NBEA: variants seen among roughly 807,000 people sequenced by gnomAD.
NBEA encodes the protein lysosomal-trafficking regulator 2.
NBEA carries 44 observed loss-of-function variants against 343.4 expected under a neutral mutation model. The ratio of observed to expected loss-of-function variants is 0.13; its 90% CI spans 0.10 to 0.16. The LOEUF (loss-of-function observed/expected upper bound fraction) is 0.16. Ranked by LOEUF, NBEA falls within the 10% of genes least tolerant of loss-of-function variation. NBEA has a pLI of 1.00. For missense variants in NBEA, 2,555 were observed against 3,631.3 expected (o/e 0.70, Z 7.62); for synonymous variants, 1,175 against 1,238.7 (o/e 0.95, Z 1.08).
intron 1 of NBEA, among the ~76,000 whole-genome samples, chr13:35,038,684 G>A (rs1031812578): frequency 7.9e-5 from 12 of 152,100 alleles, no homozygotes; most frequent in Admixed American, 5.9e-4. Flanking sequence ...TGGAACAAGG[G>A]CCTCATGACC....
chr13:35,205,221 G>A (rs913047250), intron 31 of NBEA, among the ~76,000 whole-genome samples: 1 of 152,116 alleles, frequency 6.6e-6, no homozygotes, highest in African/African-American at 2.4e-5. Flanking sequence ...AGGGGAAATA[G>A]TTCTTACAAA....
At chr13:35,633,826 A>G (rs558429353) in intron 49 of NBEA, among the ~76,000 whole-genome samples, 9 of 152,112 alleles carry the variant, frequency 5.9e-5, no homozygotes, top group African/African-American at 2.2e-4. Flanking sequence ...CAAAACTATC[A>G]ATTTAATTTT....
chr13:35,430,565 T>G (rs1014720425), intron 38 of NBEA, among the ~76,000 whole-genome samples: 2 of 152,284 alleles, frequency 1.3e-5, no homozygotes, highest in Admixed American at 1.3e-4. Flanking sequence ...TTCTAGAATT[T>G]GTATGGGGTT....
chr13:35,394,469 A>G (rs2042647530), intron 38 of NBEA, among the ~76,000 whole-genome samples: 1 of 152,142 alleles, frequency 6.6e-6, no homozygotes, highest in Non-Finnish European at 1.5e-5. Flanking sequence ...ATTTTTAAGT[A>G]GTTGTAAAGA....
At chr13:35,453,504 G>A (rs1465119748) in intron 40 of NBEA, among the ~76,000 whole-genome samples, 1 of 152,164 alleles carries the variant, frequency 6.6e-6, no homozygotes, top group Non-Finnish European at 1.5e-5. Flanking sequence ...GCTAATGAAG[G>A]TCATTGATTC....
chr13:35,364,013 G>A (rs1261971125), intron 38 of NBEA, among the ~76,000 whole-genome samples: 9 of 151,922 alleles, frequency 5.9e-5, no homozygotes, highest in Non-Finnish European at 1.5e-5. Flanking sequence ...TGTTGAGTTT[G>A]CCTTGCCTGT....
rs922054473 is a variant in NBEA at position 35,029,091 on chromosome 13, G to A, written c.295-11842G>A. 6.6e-5 allele frequency among the ~76,000 whole-genome samples: 10 copies of A among 151,306 alleles called. No individual in the cohort carries two copies. The East Asian group carries it at 1.9e-3, about 29-fold the overall frequency. ...ATTCATATTCCTTTGTTCAGTTACA[G>A]CAATGGTGAGAGGACAATTTTCTCA... On this transcript the variant is annotated intron_variant, in intron 1 of 58. Transcript: ENST00000379939.
intron 10 of NBEA, among the ~76,000 whole-genome samples, chr13:35,077,351 C>T (rs954845020): frequency 1.3e-5 from 2 of 151,992 alleles, no homozygotes; most frequent in African/African-American, 4.8e-5. Flanking sequence ...AATAAAAATT[C>T]ATAAACTTCT....
chr13:35,429,800 C>CGTGT (rs60362511), intron 38 of NBEA, among the ~76,000 whole-genome samples: 23,869 of 140,096 alleles, frequency 0.17, 2,113 homozygotes, highest in East Asian at 0.27. Flanking sequence ...GAGTCCCCAA[C>CGTGT]GTGTGTGTGT....
intron 40 of NBEA, among the ~76,000 whole-genome samples, chr13:35,458,806 C>T (rs930011424): frequency 1.2e-4 from 18 of 151,844 alleles, no homozygotes; most frequent in African/African-American, 4.1e-4. Flanking sequence ...GTCAAAATAC[C>T]GCACCTACTG....
intron 38 of NBEA, among the ~76,000 whole-genome samples, chr13:35,402,472 G>A (rs1001846914): frequency 3.9e-5 from 6 of 151,980 alleles, no homozygotes; most frequent in Non-Finnish European, 8.8e-5. Flanking sequence ...TACTCTTAAT[G>A]TGGCAAATAT....
In NBEA at chr13:35,024,396, G is replaced by A. The variant is rs113594359; in HGVS notation, c.295-16537G>A. Among the ~76,000 whole-genome samples, 62 of 152,248 alleles carry A rather than the reference G, an allele frequency of 4.1e-4. 1 individual carries two copies. Among genetic ancestry groups the A allele is most frequent in the African/African-American group, 1.4e-3 (57 of 41,554 alleles). ...GGGTCAGAGGGTAATTTTGGGCCCG[G>A]CGTGGTGGCTCATGCCTGTAATCTC... On this transcript the variant is annotated intron_variant, in intron 1 of 58. Coordinates refer to ENST00000379939, the MANE Select transcript of NBEA (RefSeq NM_001385012.1).
chr13:35,320,213 A>G (rs1182648164), intron 36 of NBEA, among the ~76,000 whole-genome samples: 7 of 151,934 alleles, frequency 4.6e-5, no homozygotes, highest in Admixed American at 4.6e-4. Flanking sequence ...AATTTGGTAT[A>G]TTTTTTGCAG....
chr13:35,617,579 G>T (rs1224237426), intron 48 of NBEA, among the ~76,000 whole-genome samples: 1 of 152,204 alleles, frequency 6.6e-6, no homozygotes, highest in African/African-American at 2.4e-5. Context: ...CCACACTGCT[G>T]CCTCTGAGAA....
At chr13:35,267,829 A>T (rs73169711) in intron 34 of NBEA, among the ~76,000 whole-genome samples, 6,827 of 141,384 alleles carry the variant, frequency 0.048, 195 homozygotes, top group South Asian at 0.083. Flanking sequence ...GGTACTATTT[A>T]AAAAAAAAAA....
At chr13:35,604,927 T>A (rs7982419) in intron 47 of NBEA, among the ~76,000 whole-genome samples, 33,418 of 152,054 alleles carry the variant, frequency 0.22, 3,858 homozygotes, top group African/African-American at 0.23. Flanking sequence ...CCCTTCTTCC[T>A]CAGCTGCTAT....
chr13:35,124,256 T>G (rs1371384244), intron 17 of NBEA, among the ~76,000 whole-genome samples: 1 of 150,604 alleles, frequency 6.6e-6, no homozygotes, highest in African/African-American at 2.4e-5. Flanking sequence ...CGCCCTTGTT[T>G]TTTTTTTTTT....
chr13:35,237,649 A>ATG (rs2075296829), intron 34 of NBEA, among the ~76,000 whole-genome samples: 1 of 152,116 alleles, frequency 6.6e-6, no homozygotes, highest in Non-Finnish European at 1.5e-5. Context: ...CCATATAAAT[A>ATG]TGTGTGTGTG....
intron 1 of NBEA, among the ~76,000 whole-genome samples, chr13:34,943,635 A>G (rs2059100361): frequency 6.6e-6 from 1 of 152,208 alleles, no homozygotes; most frequent in South Asian, 2.1e-4. Flanking sequence ...GCAGTTTTGC[A>G]TCTGTCTTTA....
Sources: gnomAD v4.1 joint callset for allele counts (sites outside exome capture counted in the v4.1 genomes callset) on GRCh38, gnomAD v4.1.1 for gene constraint, MANE v1.5 for transcripts, NCBI Gene and HGNC (gene_info 2026-07-23, HGNC 2026-07-21) for gene names.